The following PTK2 variants were observed in gnomAD, a reference collection of about 807,000 sequenced individuals.
The protein encoded by PTK2 is protein tyrosine kinase 2.
A neutral mutation model predicts 150.1 loss-of-function variants in PTK2; 45 were observed. That is an observed-to-expected ratio of 0.30 (90% CI 0.24 to 0.38). The LOEUF (loss-of-function observed/expected upper bound fraction) is 0.38, where lower values mean the gene tolerates loss of function less well. PTK2 is among the 10% of genes least tolerant of loss of function. The probability of loss-of-function intolerance (pLI) is 1.00; values close to 1 mark genes in which losing one functional copy is unlikely to be tolerated. For synonymous variants in PTK2, 432 were observed against 449.2 expected (o/e 0.96, Z 0.48); for missense variants, 919 against 1,307.3 (o/e 0.70, Z 4.58).
intron 1 of PTK2, among the ~76,000 whole-genome samples, chr8:140,992,392 C>T (rs1020949088): frequency 6.6e-6 from 1 of 152,094 alleles, no homozygotes; most frequent in East Asian, 1.9e-4. Context: ...ATTGCTTGAA[C>T]CCTAGAGGTA....
At chr8:140,733,675 T>C (rs2100050876) in intron 22 of PTK2, among the ~76,000 whole-genome samples, 1 of 152,122 alleles carries the variant, frequency 6.6e-6, no homozygotes, top group African/African-American at 2.4e-5. Flanking sequence ...TTAAGTTATA[T>C]GAGAATTAAT....
At chr8:140,757,276 T>G (rs1019968363) in intron 16 of PTK2, among the ~76,000 whole-genome samples, 1 of 152,162 alleles carries the variant, frequency 6.6e-6, no homozygotes, top group African/African-American at 2.4e-5. Flanking sequence ...TCTAAATTTG[T>G]CTGTTTGTTT....
intron 14 of PTK2, among the ~76,000 whole-genome samples, chr8:140,787,827 C>G (rs1390139149): frequency 6.6e-6 from 1 of 152,184 alleles, no homozygotes; most frequent in Admixed American, 6.5e-5. Flanking sequence ...AGCTGCTTTA[C>G]AGTTTGGCAA....
At chr8:140,978,949 GT>G in intron 1 of PTK2, among the ~76,000 whole-genome samples, 1 of 152,024 alleles carries the variant, frequency 6.6e-6, no homozygotes, top group South Asian at 2.1e-4. Flanking sequence ...ATGAGTTCAT[GT>G]CCTTTGTAGG....
intron 31 of PTK2, chr8:140,662,696 T>G (rs1050844385): frequency 7.0e-6 from 4 of 567,602 alleles, no homozygotes; most frequent in African/African-American, 3.6e-5. Context: ...CAGAAGTCAA[T>G]GTCCAGTTGG....
intron 23 of PTK2, among the ~76,000 whole-genome samples, chr8:140,708,237 A>G (rs2100034873): frequency 6.6e-6 from 1 of 152,152 alleles, no homozygotes; most frequent in Non-Finnish European, 1.5e-5. Flanking sequence ...GTGCTGGGTG[A>G]ACACGTGCTT....
intron 11 of PTK2, among the ~76,000 whole-genome samples, chr8:140,801,955 C>T (rs528647781): frequency 1.4e-4 from 21 of 152,144 alleles, no homozygotes; most frequent in African/African-American, 5.1e-4. Context: ...AAAAAATCTA[C>T]TGTGCTGCCA....
At chr8:140,701,338 A>G (rs1418794605) in intron 25 of PTK2, among the ~76,000 whole-genome samples, 1 of 152,254 alleles carries the variant, frequency 6.6e-6, no homozygotes, top group Non-Finnish European at 1.5e-5. Flanking sequence ...AAGTAATAGA[A>G]GGCTGAAATA....
intron 2 of PTK2, among the ~76,000 whole-genome samples, chr8:140,893,627 G>C (rs1033388761): frequency 6.6e-6 from 1 of 152,150 alleles, no homozygotes; most frequent in Non-Finnish European, 1.5e-5. Context: ...AGTGGCTGGG[G>C]GTAGGGCAGA....
chr8:140,936,503 C>G (rs2100173676), intron 1 of PTK2, among the ~76,000 whole-genome samples: 2 of 152,070 alleles, frequency 1.3e-5, no homozygotes, highest in South Asian at 4.2e-4. Flanking sequence ...ATATGGGGGC[C>G]TTCCTGACTC....
chr8:140,714,420 G>A (rs879894199), intron 23 of PTK2, among the ~76,000 whole-genome samples: 5 of 150,364 alleles, frequency 3.3e-5, no homozygotes, highest in Non-Finnish European at 1.5e-5. Flanking sequence ...CAGCTCAAGA[G>A]AGCTTGGGCA....
intron 25 of PTK2, among the ~76,000 whole-genome samples, chr8:140,702,236 T>C (rs1389426949): frequency 6.7e-6 from 1 of 150,276 alleles, no homozygotes; most frequent in African/African-American, 2.4e-5. Context: ...TTTTTTTTTT[T>C]TGAGACAAGC....
chr8:140,835,752 T>C (rs2100118324), intron 7 of PTK2, among the ~76,000 whole-genome samples: 1 of 152,288 alleles, frequency 6.6e-6, no homozygotes, highest in East Asian at 1.9e-4. Context: ...TATTATGTAA[T>C]GTTGTTTCAT....
In PTK2 at chr8:140,982,744, G is replaced by T. The variant is rs1330856642; in HGVS notation, c.-122+18381C>A. 4.6e-5 allele frequency among the ~76,000 whole-genome samples: 7 copies of T among 152,282 alleles called. No individual in the cohort carries two copies. In the East Asian group the frequency reaches 1.3e-3, roughly 29 times the overall value. On this transcript the variant is annotated intron_variant, in intron 1 of 31. Transcript: ENST00000522684. ...CATGAATTATGTCACATTTTAGCAG[G>T]AGTTGTCCAATGTTAGCGTACGTTT...
At chr8:140,711,976 C>T (rs978132568) in intron 23 of PTK2, among the ~76,000 whole-genome samples, 3 of 152,018 alleles carry the variant, frequency 2.0e-5, no homozygotes, top group African/African-American at 4.8e-5. Flanking sequence ...TATATAAATG[C>T]CGTGCTGGGT....
At chr8:140,883,191 CTGTT>C (rs2100150208) in intron 3 of PTK2, among the ~76,000 whole-genome samples, 1 of 152,194 alleles carries the variant, frequency 6.6e-6, no homozygotes, top group African/African-American at 2.4e-5. Flanking sequence ...CTTTCATAAA[CTGTT>C]CATTCATTTA....
At chr8:140,846,168 A>G in intron 7 of PTK2, 92 bp downstream of exon 7, 4 of 983,184 alleles carry the variant, frequency 4.1e-6, no homozygotes, top group Non-Finnish European at 6.0e-6. Flanking sequence ...TTTTAGAAAT[A>G]GCAGTGTTTC....
chr8:140,755,841 C>T (rs2100065363), intron 16 of PTK2, among the ~76,000 whole-genome samples: 1 of 151,990 alleles, frequency 6.6e-6, no homozygotes, highest in Admixed American at 6.6e-5. Context: ...GAAATTTATG[C>T]CACGTTACAT....
chr8:140,885,851 T>C (rs186218989), intron 3 of PTK2, among the ~76,000 whole-genome samples: 115 of 152,196 alleles, frequency 7.6e-4, no homozygotes, highest in Admixed American at 7.3e-3. Context: ...TCAAAGGACG[T>C]GCATGTTGAC....
Sources: allele counts gnomAD v4.1 joint callset (sites outside exome capture counted in the v4.1 genomes callset), GRCh38; gene constraint gnomAD v4.1.1; transcripts MANE v1.5; gene names NCBI Gene and HGNC (gene_info 2026-07-23, HGNC 2026-07-21).